Variants in ATXN2 observed in about 807,000 individuals in gnomAD.
The protein encoded by ATXN2 is ataxin 2.
A neutral mutation model predicts 138.6 loss-of-function variants in ATXN2; 37 were observed. The ratio of observed to expected loss-of-function variants is 0.27; its 90% CI spans 0.21 to 0.35. ATXN2 has a LOEUF of 0.35. ATXN2 is among the 10% of genes least tolerant of loss of function. The pLI is 1.00. For synonymous variants in ATXN2, 549 were observed against 543.7 expected, an observed-to-expected ratio of 1.01 and a Z score of -0.13; for missense variants, 1,216 against 1,480.3, an observed-to-expected ratio of 0.82 and a Z score of 2.93.
chr12:111,544,706 T>C (rs1483751139), intron 5 of ATXN2, among the ~76,000 whole-genome samples: 1 of 151,728 alleles, frequency 6.6e-6, no homozygotes, highest in Non-Finnish European at 1.5e-5. Flanking sequence ...GAAGGAATGA[T>C]CAATAAACAT....
intron 1 of ATXN2, among the ~76,000 whole-genome samples, chr12:111,588,752 G>C (rs1252947923): frequency 6.6e-6 from 1 of 151,884 alleles, no homozygotes; most frequent in Non-Finnish European, 1.5e-5. Context: ...AGCACTTTGG[G>C]AAGCCGAGGC....
At chr12:111,592,114 C>A (rs953980617) in intron 1 of ATXN2, among the ~76,000 whole-genome samples, 6 of 141,942 alleles carry the variant, frequency 4.2e-5, no homozygotes, top group African/African-American at 1.3e-4. Context: ...TGAGGCTGGG[C>A]GGGGGTGGCT....
At chr12:111,585,910 CTT>C (rs1884302070) in intron 1 of ATXN2, among the ~76,000 whole-genome samples, 1 of 141,008 alleles carries the variant, frequency 7.1e-6, no homozygotes, top group South Asian at 2.6e-4. Context: ...AGGCTCTTTG[CTT>C]TGTTTTTTTG....
At chr12:111,538,691 A>C (rs1881331137) in intron 5 of ATXN2, among the ~76,000 whole-genome samples, 1 of 150,232 alleles carries the variant, frequency 6.7e-6, no homozygotes, top group East Asian at 1.9e-4. Context: ...CTTAAGCTCT[A>C]AATTAGCTAA....
chr12:111,460,271 A>G (rs1593095468), intron 21 of ATXN2, among the ~76,000 whole-genome samples: 1 of 152,098 alleles, frequency 6.6e-6, no homozygotes. Flanking sequence ...ACAGGGTTTC[A>G]CCATGTTGGT....
chr12:111,463,044 A>T (rs1345028509), intron 21 of ATXN2, among the ~76,000 whole-genome samples: 1 of 152,048 alleles, frequency 6.6e-6, no homozygotes, highest in Non-Finnish European at 1.5e-5. Flanking sequence ...TTGGATACCA[A>T]GTCATGGCAT....
chr12:111,584,345 A>G (rs56945768), intron 1 of ATXN2, among the ~76,000 whole-genome samples: 13,854 of 127,432 alleles, frequency 0.11, 2,349 homozygotes, highest in African/African-American at 0.37. Flanking sequence ...CTGCACCACT[A>G]CATTCTAGCC....
rs978789111 is a variant in ATXN2, at chr12:111,516,954, T to G, written c.1166-591A>C. On this transcript the variant is annotated intron_variant, in intron 9 of 24. Coordinates refer to ENST00000673436, the MANE Select transcript of ATXN2 (RefSeq NM_001372574.1). The surrounding 1 kb of genome is among the most constrained non-coding windows in gnomAD (Gnocchi z 5.0). ...TAAAACATTACTCTTCTAGAGTTTG[T>G]GACTCCTGTGAGTATCAAATGATAA... Among the ~76,000 whole-genome samples the G allele has an allele frequency of 6.6e-6, 1 of 152,188 alleles. No individual in the cohort carries two copies. The highest frequency in any genetic ancestry group is 2.4e-5 in the African/African-American group (1 of 41,464).
intron 23 of ATXN2, 41 bp downstream of exon 23, chr12:111,455,988 C>T (rs1565999900): frequency 6.4e-7 from 1 of 1,572,738 alleles, no homozygotes; most frequent in Non-Finnish European, 8.8e-7. Context: ...CCTTCACATT[C>T]TACTTGGCCT....
Position 111,485,835 on chromosome 12 carries a change from G to A in ATXN2, c.2335C>T (p.Arg779Trp), listed in dbSNP as rs776268051. The change falls in exon 17 of 25, where the codon CGG becomes TGG. Residue 779 changes from arginine to tryptophan, a missense_variant. Physicochemically the swap from Arg to Trp is moderately radical, Grantham distance 101 (BLOSUM62 -3). Coordinates refer to ENST00000673436, the MANE Select transcript of ATXN2 (RefSeq NM_001372574.1). ...GATGGGCTAGGTTGTGCTTGAGGCC[G>A]AGGTGAAGTTGGGGTAGTAGAAGGC... Reference protein sequence around the residue: ...PKPSTTPTSPRPQAQPSPSMV... With the variant: ...PKPSTTPTSPWPQAQPSPSMV... The A allele has an allele frequency of 7.4e-6, 12 of 1,614,074 alleles. No individual in the cohort carries two copies. Among genetic ancestry groups the A allele is most frequent in the South Asian group, 4.4e-5 (4 of 91,060 alleles).
At chr12:111,574,308 CAAAAAAAAAAAA>C (rs997437123) in intron 1 of ATXN2, among the ~76,000 whole-genome samples, 4 of 32,594 alleles carry the variant, frequency 1.2e-4, no homozygotes, top group South Asian at 1.6e-3. Context: ...ACTCTGTCTC[CAAAAAAAAAAAA>C]AAAAAAAAAA....
intron 1 of ATXN2, among the ~76,000 whole-genome samples, chr12:111,595,604 T>G (rs940940598): frequency 9.4e-5 from 14 of 148,452 alleles, no homozygotes; most frequent in Non-Finnish European, 1.8e-4. Context: ...ATCGTACCAC[T>G]GCACTTCAGA....
intron 1 of ATXN2, among the ~76,000 whole-genome samples, chr12:111,591,873 G>A (rs1199940352): frequency 2.6e-5 from 4 of 152,032 alleles, no homozygotes; most frequent in African/African-American, 9.7e-5. Flanking sequence ...CTTAAGGTCA[G>A]GAGTTCGAGA....
chr12:111,512,026 A>G (rs1165168106), intron 11 of ATXN2: 3 of 151,880 alleles, frequency 2.0e-5, no homozygotes, highest in Non-Finnish European at 4.4e-5. Context: ...ACTGGAGTGC[A>G]ATGGTGTGAT....
Position 111,599,123 on chromosome 12 carries a change from G to T in ATXN2, c.-89C>A. 8.1e-7 allele frequency: 1 copy of T among 1,238,738 alleles called. No homozygotes were observed. The highest frequency in any genetic ancestry group is 1.0e-6 in the Non-Finnish European group (1 of 992,838). The allele number at this position is 1,238,738 out of a possible 1,614,324, so 76.7% of individuals were successfully genotyped here. The stretch of plus-strand genomic sequence containing the variant: ...GGAGACGCCGGAACGCGGCGGGGAC[G>T]CGCGGGCGCCGAGCGGGGAGGCGCG... On this transcript the variant is annotated 5_prime_UTR_variant, in exon 1 of 25. Transcript: ENST00000673436.
At position 111,598,750 on chromosome 12, in the gene ATXN2, C is replaced by G; in HGVS notation, c.251+34G>C. The G allele has an allele frequency of 8.5e-7, 1 of 1,176,720 alleles. No individual in the cohort carries two copies. The highest frequency in any genetic ancestry group is 4.0e-5 in the South Asian group (1 of 24,720). 72.9% of individuals were successfully genotyped at this position (1,176,720 alleles called of 1,614,324 possible). A position where few individuals can be genotyped will look rare whatever the true frequency, so the allele number is the denominator to read the frequency against. ...GGCCGCGGGGGAGGGGACGCCGGGC[C>G]CGGAGCGGAGGGGGCTGGGGTGCCG... is the stretch of plus-strand genomic sequence containing the variant. On this transcript the variant is annotated intron_variant, in intron 1 of 24. Transcript: ENST00000673436. The surrounding 1 kb of genome is among the most constrained non-coding windows in gnomAD (Gnocchi z 4.5).
chr12:111,510,736 G>A, intron 11 of ATXN2, 154 bp from the exon 12 acceptor site: 1 of 601,528 alleles, frequency 1.7e-6, no homozygotes, highest in South Asian at 3.5e-5. Flanking sequence ...CAAAATGTTA[G>A]GAATTTGCTG....
At chr12:111,513,167 A>C in intron 11 of ATXN2, 190 bp downstream of exon 11, 1 of 589,802 alleles carries the variant, frequency 1.7e-6, no homozygotes, top group Non-Finnish European at 2.8e-6. Flanking sequence ...TGAGTGTCTG[A>C]CTTGCTTTAA....
rs1419916208 is a variant in ATXN2, at chr12:111,453,161, TG to T, written c.3440-322del. 17 of 1,164,724 alleles carry T rather than the reference TG, an allele frequency of 1.5e-5. No individual in the cohort carries two copies. Among genetic ancestry groups the T allele is most frequent in the Non-Finnish European group, 1.7e-5 (16 of 943,412 alleles). The allele number at this position is 1,164,724 out of a possible 1,614,324, so 72.1% of individuals were successfully genotyped here. On this transcript the variant is annotated intron_variant, in intron 24 of 24. Transcript: ENST00000673436. This position sits in a 1 kb window ranked among gnomAD's most constrained non-coding sequence, Gnocchi z 5.4. ...GCTTTCAGAATAACAGGTCAGACTGTGAAGTATCGCCATGGCAGCCATCAAG... is the reference window on the plus strand; with the variant it reads ...GCTTTCAGAATAACAGGTCAGACTGTAAGTATCGCCATGGCAGCCATCAAG...
Sources: gnomAD v4.1 joint callset for allele counts (sites outside exome capture counted in the v4.1 genomes callset) on GRCh38, gnomAD v4.1.1 for gene constraint, Gnocchi (gnomAD v3.1) non-coding constraint, MANE v1.5 for transcripts, NCBI Gene and HGNC (gene_info 2026-07-23, HGNC 2026-07-21) for gene names.